Variants in ZNF644 observed in about 807,000 individuals in gnomAD.
The protein encoded by ZNF644 is zinc finger protein 644.
ZNF644 carries 20 observed loss-of-function variants against 108.0 expected under a neutral mutation model. The observed-to-expected ratio is 0.19, with a 90% CI of 0.13 to 0.27. The LOEUF is 0.27. Among genes scored for constraint, ZNF644 ranks in the 10% least tolerant of loss-of-function variants. ZNF644 has a pLI of 1.00. For synonymous variants in ZNF644, 542 were observed against 539.1 expected (o/e 1.01, Z -0.08); for missense variants, 1,338 against 1,548.9 (o/e 0.86, Z 2.29).
At chr1:90,980,786 A>C (rs1656468323) in intron 2 of ZNF644, among the ~76,000 whole-genome samples, 1 of 152,174 alleles carries the variant, frequency 6.6e-6, no homozygotes, top group African/African-American at 2.4e-5. Flanking sequence ...ATTCAGAAAG[A>C]TGATTACTTC....
At chr1:90,926,606 T>G (rs561395149) in intron 4 of ZNF644, among the ~76,000 whole-genome samples, 1 of 152,220 alleles carries the variant, frequency 6.6e-6, no homozygotes, top group Non-Finnish European at 1.5e-5. Context: ...AGAGAAGTAA[T>G]GAAGCCTGCC....
At chr1:90,999,481 G>C (rs1046617675) in intron 1 of ZNF644, among the ~76,000 whole-genome samples, 12 of 152,104 alleles carry the variant, frequency 7.9e-5, no homozygotes, top group African/African-American at 1.7e-4. Flanking sequence ...CCTTTACAGA[G>C]AAGCAAATGC....
At chr1:90,922,648 T>C (rs868184122) in intron 4 of ZNF644, among the ~76,000 whole-genome samples, 4 of 152,050 alleles carry the variant, frequency 2.6e-5, no homozygotes, top group Non-Finnish European at 5.9e-5. Flanking sequence ...ATAGGTAAAT[T>C]GTCACGGGAG....
intron 1 of ZNF644, among the ~76,000 whole-genome samples, chr1:91,003,625 T>C (rs546274399): frequency 9.2e-5 from 14 of 151,898 alleles, no homozygotes; most frequent in African/African-American, 3.1e-4. Context: ...GGCACACGTA[T>C]ACATATGTAA....
intron 1 of ZNF644, among the ~76,000 whole-genome samples, chr1:91,010,497 C>T (rs910531388): frequency 2.0e-5 from 3 of 151,660 alleles, no homozygotes; most frequent in Non-Finnish European, 4.4e-5. Context: ...GGTGCTCCAC[C>T]TGCCTCAGCA....
rs545592112 is a variant in ZNF644, at chr1:90,991,223, A to C, written c.-17-8853T>G. Among the ~76,000 whole-genome samples the C allele has an allele frequency of 3.9e-5, 6 of 152,352 alleles. No homozygotes were observed. The East Asian group carries it at 1.2e-3, about 29-fold the overall frequency. ...CTGGGAAACTGCAAATTAAAGGCAC[A>C]AAGAGTTATCACTACACAGCTATAA... is the stretch of plus-strand genomic sequence containing the variant. On this transcript the variant is annotated intron_variant, in intron 1 of 5. Transcript: ENST00000337393.
intron 2 of ZNF644, among the ~76,000 whole-genome samples, chr1:90,980,420 C>A (rs553481744): frequency 1.3e-5 from 2 of 152,106 alleles, no homozygotes; most frequent in African/African-American, 4.8e-5. Context: ...GGCATAGCTA[C>A]GGTGAGATAA....
Position 90,938,243 on chromosome 1 carries a change from A to G in ZNF644, c.3082+29T>C, listed in dbSNP as rs1182960912. ...TTCAGAATTAGAACACAGACCTATC[A>G]GCCCAAATCATCCCCATGGAGAACT... On this transcript the variant is annotated intron_variant, in intron 3 of 5. Coordinates refer to ENST00000337393, the MANE Select transcript of ZNF644 (RefSeq NM_201269.3). This position sits in a 1 kb window ranked among gnomAD's most constrained non-coding sequence, Gnocchi z 4.2. The G allele has an allele frequency of 3.7e-6, 6 of 1,613,772 alleles. No individual in the cohort carries two copies. The highest frequency in any genetic ancestry group is 1.6e-4 in the Middle Eastern group (1 of 6,062).
At position 90,916,787 on chromosome 1, in the gene ZNF644, G is replaced by A. The variant is rs1648809908; in HGVS notation, c.*11C>T. On this transcript the variant is annotated 3_prime_UTR_variant, in exon 6 of 6. Transcript: ENST00000337393. ...CCAATTCAAACTGGCTATTTAAAAG[G>A]TTTCCTGGTTCTATGAAGCTGCTTC... 2 of 1,613,876 alleles carry A rather than the reference G, an allele frequency of 1.2e-6. No individual in the cohort carries two copies.
In ZNF644 at chr1:90,944,650, C is replaced by T. The variant is rs10922939; in HGVS notation, c.45-3341G>A. On this transcript the variant is annotated intron_variant, in intron 2 of 5. Coordinates refer to ENST00000337393, the MANE Select transcript of ZNF644 (RefSeq NM_201269.3). ...AGATACAACCTTCCTGTCATCAAATCTATACTGTCCATTTTCTGTTCATGA... is the reference window on the plus strand; with the variant it reads ...AGATACAACCTTCCTGTCATCAAATTTATACTGTCCATTTTCTGTTCATGA... Among the ~76,000 whole-genome samples the T allele has an allele frequency of 3.1e-3, 472 of 151,912 alleles. 5 individuals are homozygous for T. The highest frequency in any genetic ancestry group is 0.011 in the African/African-American group (452 of 41,242).
chr1:91,008,143 A>C (rs1659621314), intron 1 of ZNF644, among the ~76,000 whole-genome samples: 1 of 152,198 alleles, frequency 6.6e-6, no homozygotes, highest in Admixed American at 6.5e-5. Context: ...ATTTTTATTT[A>C]ATTCTCCCTG....
At chr1:90,994,776 C>T (rs982759361) in intron 1 of ZNF644, among the ~76,000 whole-genome samples, 1 of 151,992 alleles carries the variant, frequency 6.6e-6, no homozygotes, top group Non-Finnish European at 1.5e-5. Context: ...AACCACAGGG[C>T]AAAATTGGAC....
At chr1:90,932,942 C>T (rs1650908392) in intron 4 of ZNF644, among the ~76,000 whole-genome samples, 1 of 152,096 alleles carries the variant, frequency 6.6e-6, no homozygotes, top group South Asian at 2.1e-4. Flanking sequence ...TTTCTATTTC[C>T]TAGTACTTCT....
chr1:90,989,577 C>T (rs372793505), intron 1 of ZNF644, among the ~76,000 whole-genome samples: 1 of 152,204 alleles, frequency 6.6e-6, no homozygotes, highest in Admixed American at 6.6e-5. Context: ...AGATACTCAA[C>T]ATCACCAGTC....
At chr1:90,987,231 T>C (rs868862437) in intron 1 of ZNF644, among the ~76,000 whole-genome samples, 14 of 130,266 alleles carry the variant, frequency 1.1e-4, no homozygotes, top group South Asian at 4.8e-4. Context: ...AAAAACTCAA[T>C]GAAACCTAGA....
chr1:91,008,004 C>A lies in ZNF644; in HGVS notation c.-18+13986G>T, dbSNP rs146042361. Among the ~76,000 whole-genome samples, 343 of 152,274 alleles carry A rather than the reference C, an allele frequency of 2.3e-3. 1 individual carries two copies. The highest frequency in any genetic ancestry group is 8.2e-3 in the African/African-American group (339 of 41,558). The stretch of plus-strand genomic sequence containing the variant: ...TTATCAGTTAGATATTTTTCCTGAT[C>A]TCAGCAGTTTGCTGTCACAGGATGA... On this transcript the variant is annotated intron_variant, in intron 1 of 5. Coordinates refer to ENST00000337393, the MANE Select transcript of ZNF644 (RefSeq NM_201269.3).
intron 4 of ZNF644, among the ~76,000 whole-genome samples, chr1:90,922,555 T>C (rs1380054630): frequency 1.3e-5 from 2 of 152,128 alleles, no homozygotes; most frequent in East Asian, 3.9e-4. Flanking sequence ...TGCCAAAGGA[T>C]ACACAAGTGT....
At chr1:91,021,616 C>G (rs1660921916) in intron 1 of ZNF644, 1 of 161,186 alleles carries the variant, frequency 6.2e-6, no homozygotes, top group Non-Finnish European at 1.3e-5. Flanking sequence ...ACCGGATCCT[C>G]CGACGCCGCA....
rs1651722614 is a variant in ZNF644 at position 90,939,495 on chromosome 1, G to C, written c.1859C>G (p.Pro620Arg). The C allele has an allele frequency of 1.9e-6, 3 of 1,613,774 alleles. No homozygotes were observed. The highest frequency in any genetic ancestry group is 2.5e-6 in the Non-Finnish European group (3 of 1,179,916). The change falls in exon 3 of 6, where the codon CCT becomes CGT. Residue 620 changes from proline to arginine, a missense_variant. Physicochemically the swap from Pro to Arg is moderately radical, Grantham distance 103 (BLOSUM62 -2). Around this residue, in one of 6 missense-constraint regions of ZNF644, gnomAD observed 462 missense variants for 472.6 expected, o/e 0.98. Coordinates refer to ENST00000337393, the MANE Select transcript of ZNF644 (RefSeq NM_201269.3). ...SSSCVDSFGSPLGLDKRKNDI... is the reference protein window; with the variant it reads ...SSSCVDSFGSRLGLDKRKNDI... ...ATTTTTTCTTTTATCAAGTCCAAGA[G>C]GACTACCAAATGAATCAACACATGA...
Sources: gnomAD v4.1 joint callset for allele counts (sites outside exome capture counted in the v4.1 genomes callset) on GRCh38, gnomAD v4.1.1 for gene constraint, gnomAD v4.1.1 regional missense constraint, Gnocchi (gnomAD v3.1) non-coding constraint, MANE v1.5 for transcripts, NCBI Gene and HGNC (gene_info 2026-07-23, HGNC 2026-07-21) for gene names.